ATP10B: variants seen among roughly 807,000 people sequenced by gnomAD.
ATP10B encodes the protein phospholipid-transporting ATPase VB.
In ATP10B, 122 loss-of-function variants were observed where a neutral mutation model predicts 141.2. The ratio of observed to expected loss-of-function variants is 0.86; its 90% CI spans 0.75 to 1.00. The LOEUF (loss-of-function observed/expected upper bound fraction) is 1.00. Among genes scored for constraint, ATP10B ranks in the 50% least tolerant of loss-of-function variants. ATP10B has a pLI of 0.00. For missense variants in ATP10B, 1,876 were observed against 1,825.3 expected (o/e 1.03, Z -0.51); for synonymous variants, 685 against 692.0 (o/e 0.99, Z 0.16).
chr5:160,908,811 C>T, the ATP10B span, among the ~76,000 whole-genome samples: 6 of 152,136 alleles, frequency 3.9e-5, no homozygotes, highest in Admixed American at 3.9e-4. Context: ...GCAGGCTATA[C>T]AGTTTGATGC....
At chr5:160,621,013 T>G in intron 14 of ATP10B, 63 bp from the exon 15 acceptor site, 1 of 1,527,740 alleles carries the variant, frequency 6.5e-7, no homozygotes, top group Admixed American at 2.0e-5. Flanking sequence ...CCAAGTTGTC[T>G]TATGCGGAAT....
intron 2 of ATP10B, among the ~76,000 whole-genome samples, chr5:160,756,064 T>G (rs889362564): frequency 6.6e-6 from 1 of 151,492 alleles, no homozygotes; most frequent in African/African-American, 2.4e-5. Context: ...ATTTTCCCTT[T>G]TATAAGTCCC....
intron 19 of ATP10B, among the ~76,000 whole-genome samples, chr5:160,605,724 G>C (rs1757346698): frequency 6.6e-6 from 1 of 152,214 alleles, no homozygotes; most frequent in African/African-American, 2.4e-5. Context: ...TCCCATGCCT[G>C]TGTAGGAGGA....
At chr5:160,789,208 C>A (rs1423169642) in intron 1 of ATP10B, among the ~76,000 whole-genome samples, 2 of 152,100 alleles carry the variant, frequency 1.3e-5, no homozygotes, top group Non-Finnish European at 2.9e-5. Flanking sequence ...CACCGGGAGA[C>A]CCCTTTAGCA....
intron 6 of ATP10B, among the ~76,000 whole-genome samples, chr5:160,671,186 A>C (rs1272233775): frequency 6.6e-6 from 1 of 150,968 alleles, no homozygotes; most frequent in Non-Finnish European, 1.5e-5. Context: ...AAAAAAAAAA[A>C]AAAAAACCCA....
chr5:160,706,169 C>A, intron 3 of ATP10B, among the ~76,000 whole-genome samples: 1 of 152,120 alleles, frequency 6.6e-6, no homozygotes, highest in East Asian at 1.9e-4. Flanking sequence ...ACCACTATAC[C>A]AGGTGTAATA....
intron 2 of ATP10B, among the ~76,000 whole-genome samples, chr5:160,732,180 A>G (rs935235956): frequency 6.6e-6 from 1 of 152,230 alleles, no homozygotes; most frequent in African/African-American, 2.4e-5. Flanking sequence ...AGATGGGGAA[A>G]AATGAAAAAG....
chr5:160,758,234 G>A (rs903943611), intron 2 of ATP10B, among the ~76,000 whole-genome samples: 1 of 152,106 alleles, frequency 6.6e-6, no homozygotes, highest in Non-Finnish European at 1.5e-5. Context: ...ATAGCTGAAG[G>A]AGGTGAAACT....
At chr5:160,824,704 A>C (rs1310961607) in intron 1 of ATP10B, among the ~76,000 whole-genome samples, 1 of 152,236 alleles carries the variant, frequency 6.6e-6, no homozygotes, top group Non-Finnish European at 1.5e-5. Flanking sequence ...TTGTATATCT[A>C]AACATAAAAC....
intron 6 of ATP10B, among the ~76,000 whole-genome samples, chr5:160,673,894 G>A (rs1037699526): frequency 6.6e-6 from 1 of 152,222 alleles, no homozygotes; most frequent in Non-Finnish European, 1.5e-5. Flanking sequence ...TAGAGTGAAG[G>A]AGAGACTGGT....
intron 7 of ATP10B, among the ~76,000 whole-genome samples, chr5:160,667,230 A>T (rs1367533570): frequency 6.6e-6 from 1 of 151,982 alleles, no homozygotes; most frequent in East Asian, 1.9e-4. Flanking sequence ...AACAAAAACA[A>T]AAAACAAAAC....
intron 1 of ATP10B, among the ~76,000 whole-genome samples, chr5:160,825,016 G>A (rs1324190076): frequency 6.6e-6 from 1 of 151,962 alleles, no homozygotes; most frequent in East Asian, 1.9e-4. Flanking sequence ...TTGCATTAAA[G>A]TTAACCATTC....
At chr5:160,808,058 G>A (rs764508846) in intron 1 of ATP10B, among the ~76,000 whole-genome samples, 3 of 152,124 alleles carry the variant, frequency 2.0e-5, no homozygotes, top group Non-Finnish European at 4.4e-5. Flanking sequence ...AGACGGGAGA[G>A]AGTTCTAAAG....
the ATP10B span, among the ~76,000 whole-genome samples, chr5:160,907,913 G>T: frequency 1.3e-5 from 2 of 152,170 alleles, no homozygotes; most frequent in Non-Finnish European, 2.9e-5. Flanking sequence ...CTAAAAGCTG[G>T]TGCGCCTCCT....
the ATP10B span, among the ~76,000 whole-genome samples, chr5:160,894,697 T>C: frequency 1.3e-5 from 2 of 152,158 alleles, no homozygotes. Flanking sequence ...CAGGAAATAC[T>C]GAGAACACCA....
intron 2 of ATP10B, among the ~76,000 whole-genome samples, chr5:160,736,532 G>C (rs1767122495): frequency 6.6e-6 from 1 of 152,212 alleles, no homozygotes; most frequent in Non-Finnish European, 1.5e-5. Flanking sequence ...GGGAGGCCAA[G>C]GCAGGAGGAT....
At position 160,679,553 on chromosome 5, in the gene ATP10B, TG is replaced by T. The variant is rs1474946356; in HGVS notation, c.470+6525del. 2.0e-5 allele frequency among the ~76,000 whole-genome samples: 3 copies of T among 152,228 alleles called. No homozygotes were observed. The East Asian group carries it at 5.8e-4, about 29-fold the overall frequency. On this transcript the variant is annotated intron_variant, in intron 6 of 25. Transcript: ENST00000327245. ...TGGCCTTGACGTTTCTGCAGGTGGGTGGGTCACCACATCCTCTGCACTTCTG... is the reference window on the plus strand; with the variant it reads ...TGGCCTTGACGTTTCTGCAGGTGGGTGGTCACCACATCCTCTGCACTTCTG...
At chr5:160,655,147 A>C (rs956539867) in intron 7 of ATP10B, among the ~76,000 whole-genome samples, 1 of 152,248 alleles carries the variant, frequency 6.6e-6, no homozygotes, top group African/African-American at 2.4e-5. Flanking sequence ...TACAAAAATT[A>C]TAATGAATAA....
intron 8 of ATP10B, among the ~76,000 whole-genome samples, chr5:160,648,872 T>C (rs1169989444): frequency 6.6e-6 from 1 of 151,500 alleles, no homozygotes; most frequent in African/African-American, 2.4e-5. Context: ...AATTAAATCA[T>C]ATTCACCTTC....
Sources: gnomAD v4.1 joint callset for allele counts (sites outside exome capture counted in the v4.1 genomes callset) on GRCh38, gnomAD v4.1.1 for gene constraint, MANE v1.5 for transcripts, NCBI Gene and HGNC (gene_info 2026-07-23, HGNC 2026-07-21) for gene names.